The following ANXA4 variants were observed in gnomAD, a reference collection of about 807,000 sequenced individuals.
ANXA4 encodes annexin A4, also known as 35-beta calcimedin.
A neutral mutation model predicts 49.8 loss-of-function variants in ANXA4; 39 were observed. The observed-to-expected ratio is 0.78, with a 90% CI of 0.61 to 1.02. The LOEUF is 1.02. Ranked by LOEUF, ANXA4 falls within the 50% of genes least tolerant of loss-of-function variation. The probability of loss-of-function intolerance (pLI) is 0.00; values close to 1 mark genes in which losing one functional copy is unlikely to be tolerated. For missense variants in ANXA4, 360 were observed against 410.1 expected (o/e 0.88, Z 1.05); for synonymous variants, 134 against 152.5 (o/e 0.88, Z 0.89).
Position 69,781,549 on chromosome 2 carries a change from GATCTT to G in ANXA4, c.-16_-12del, listed in dbSNP as rs1672199667. 1 of 1,613,842 alleles carries G rather than the reference GATCTT, an allele frequency of 6.2e-7. No homozygotes were observed. Among genetic ancestry groups the G allele is most frequent in the African/African-American group, 1.3e-5 (1 of 74,894 alleles). On this transcript the variant is annotated 5_prime_UTR_variant, in exon 2 of 13. Coordinates refer to ENST00000394295, the MANE Select transcript of ANXA4 (RefSeq NM_001153.5). The stretch of plus-strand genomic sequence containing the variant: ...ACTTCTGCTTGGGTGGCTGAACTCT[GATCTT>G]GACCTAGAGTCATGGCCATGGTAAG...
chr2:69,807,162 C>A (rs1438423272), intron 5 of ANXA4, among the ~76,000 whole-genome samples: 1 of 152,162 alleles, frequency 6.6e-6, no homozygotes, highest in Non-Finnish European at 1.5e-5. Flanking sequence ...GTTAGGGAAT[C>A]ATTTGCTCCT....
Position 69,826,777 on chromosome 2 carries a change from A to T in ANXA4, c.*1262A>T, listed in dbSNP as rs1405360210. On this transcript the variant is annotated 3_prime_UTR_variant, in exon 13 of 13. Transcript: ENST00000394295. ...AGCCTGGGCGACAGAGCGAGAATCC[A>T]TCTAAAAAAAAAAAAAAAAAAAGTG... is the stretch of plus-strand genomic sequence containing the variant. 2 of 137,182 alleles carry T rather than the reference A, an allele frequency of 1.5e-5. No individual in the cohort carries two copies. Among genetic ancestry groups the T allele is most frequent in the Non-Finnish European group, 3.1e-5 (2 of 64,434 alleles). 8.5% of individuals were successfully genotyped at this position (137,182 alleles called of 1,614,324 possible). A position where few individuals can be genotyped will look rare whatever the true frequency, so the allele number is the denominator to read the frequency against.
intron 6 of ANXA4, chr2:69,809,369 T>C (rs994807273): frequency 2.6e-5 from 4 of 152,204 alleles, no homozygotes. Context: ...ATCTGCCCAA[T>C]GAGGGTTTTC....
chr2:69,767,355 T>C (rs536308124), intron 1 of ANXA4, among the ~76,000 whole-genome samples: 25 of 152,202 alleles, frequency 1.6e-4, no homozygotes, highest in Non-Finnish European at 3.5e-4. Context: ...CCCGAAGTCA[T>C]GATGCATCAG....
intron 2 of ANXA4, among the ~76,000 whole-genome samples, chr2:69,703,622 G>A (rs1678401143): frequency 6.6e-6 from 1 of 152,138 alleles, no homozygotes; most frequent in African/African-American, 2.4e-5. Flanking sequence ...GAGTTATACA[G>A]CTTGACTCTT....
intron 3 of ANXA4, among the ~76,000 whole-genome samples, chr2:69,790,791 G>A (rs1024643443): frequency 3.3e-5 from 5 of 152,196 alleles, no homozygotes; most frequent in Non-Finnish European, 7.3e-5. Flanking sequence ...CTGGTTGGTT[G>A]ACAGGAGTAA....
chr2:69,750,985 A>G (rs1405600186), intron 1 of ANXA4, among the ~76,000 whole-genome samples: 2 of 152,150 alleles, frequency 1.3e-5, no homozygotes. Context: ...TTGATAGCTA[A>G]TGTTCACCAA....
chr2:69,661,333 C>G (rs1340874850), intron 2 of ANXA4, among the ~76,000 whole-genome samples: 1 of 151,394 alleles, frequency 6.6e-6, no homozygotes, highest in Non-Finnish European at 1.5e-5. Flanking sequence ...AAATGCAATG[C>G]AAGAAACTAT....
intron 2 of ANXA4, among the ~76,000 whole-genome samples, chr2:69,676,245 T>G (rs1353193234): frequency 1.3e-5 from 2 of 152,048 alleles, no homozygotes; most frequent in African/African-American, 4.8e-5. Context: ...AATAAAGGAA[T>G]TTCACCTTAA....
intron 9 of ANXA4, chr2:69,816,566 A>G (rs903491794): frequency 5.7e-6 from 1 of 176,566 alleles, no homozygotes; most frequent in Non-Finnish European, 1.2e-5. Context: ...GTTGGTTGAT[A>G]TTTATTCCTG....
At chr2:69,812,169 G>A (rs757862430) in intron 7 of ANXA4, among the ~76,000 whole-genome samples, 1 of 149,150 alleles carries the variant, frequency 6.7e-6, no homozygotes, top group Non-Finnish European at 1.5e-5. Context: ...TGTTTCCCAG[G>A]CCAGCTCTTC....
At chr2:69,807,758 G>A (rs1460678111) in intron 5 of ANXA4, 148 bp from the exon 6 acceptor site, 15 of 639,992 alleles carry the variant, frequency 2.3e-5, no homozygotes, top group Non-Finnish European at 3.7e-5. Flanking sequence ...GTTTCGGGTG[G>A]GACAATAAAA....
intron 3 of ANXA4, among the ~76,000 whole-genome samples, chr2:69,734,431 A>G (rs990414282): frequency 4.6e-5 from 7 of 152,230 alleles, no homozygotes; most frequent in Admixed American, 1.3e-4. Context: ...CTGTTTTGAA[A>G]TAGACCCCTG....
intron 1 of ANXA4, among the ~76,000 whole-genome samples, chr2:69,747,195 G>A (rs796411307): frequency 6.6e-6 from 1 of 152,064 alleles, no homozygotes; most frequent in Admixed American, 6.6e-5. Flanking sequence ...ATTCCTCTGG[G>A]TTTAGGCACT....
chr2:69,776,652 T>G (rs1237284453), intron 1 of ANXA4, among the ~76,000 whole-genome samples: 1 of 152,134 alleles, frequency 6.6e-6, no homozygotes, highest in African/African-American at 2.4e-5. Context: ...GGCAGGGGTG[T>G]CCAATCTTTC....
At chr2:69,654,433 G>A (rs1676363082) in intron 2 of ANXA4, among the ~76,000 whole-genome samples, 1 of 152,056 alleles carries the variant, frequency 6.6e-6, no homozygotes, top group South Asian at 2.1e-4. Flanking sequence ...GTCATAAATG[G>A]CTCTTATTAT....
chr2:69,712,162 A>G (rs988694199), intron 2 of ANXA4, among the ~76,000 whole-genome samples: 7 of 152,030 alleles, frequency 4.6e-5, no homozygotes, highest in African/African-American at 1.7e-4. Context: ...CACACAACCA[A>G]ATGTTCCCCA....
At chr2:69,788,168 T>C (rs765727165) in intron 3 of ANXA4, 27 bp downstream of exon 3, 1 of 1,594,516 alleles carries the variant, frequency 6.3e-7, no homozygotes, top group Non-Finnish European at 8.6e-7. Flanking sequence ...AAGTGAATCC[T>C]CCTGCGTGCA....
At chr2:69,759,129 C>CAA (rs35878649) in intron 1 of ANXA4, among the ~76,000 whole-genome samples, 25 of 118,802 alleles carry the variant, frequency 2.1e-4, no homozygotes, top group African/African-American at 5.7e-4. Flanking sequence ...GACTCTGTCT[C>CAA]AAAAAAAAAA....
Sources: allele counts gnomAD v4.1 joint callset (sites outside exome capture counted in the v4.1 genomes callset), GRCh38; gene constraint gnomAD v4.1.1; transcripts MANE v1.5; gene names NCBI Gene and HGNC (gene_info 2026-07-23, HGNC 2026-07-21).